PTPN3: variants seen among roughly 807,000 people sequenced by gnomAD.
PTPN3 encodes the protein protein tyrosine phosphatase non-receptor type 3, also known as tyrosine-protein phosphatase non-receptor type 3.
In PTPN3, 96 loss-of-function variants were observed where a neutral mutation model predicts 132.7. That is an observed-to-expected ratio of 0.72 (90% confidence interval 0.61 to 0.86). The LOEUF is 0.86. PTPN3 is among the 40% of genes least tolerant of loss of function. The pLI is 0.00. For synonymous variants in PTPN3, 398 were observed against 429.0 expected, an observed-to-expected ratio of 0.93 and a Z score of 0.89; for missense variants, 1,125 against 1,159.6, an observed-to-expected ratio of 0.97 and a Z score of 0.43.
At chr9:109,439,824 G>A (rs926513463) in intron 7 of PTPN3, among the ~76,000 whole-genome samples, 1 of 151,866 alleles carries the variant, frequency 6.6e-6, no homozygotes, top group Admixed American at 6.6e-5. Context: ...CATGAGAATC[G>A]CTTGAACCTG....
At chr9:109,498,892 G>T (rs1229526901), upstream of PTPN3, among the ~76,000 whole-genome samples, 1 of 152,130 alleles carries the variant, frequency 6.6e-6, no homozygotes, top group African/African-American at 2.4e-5. This position sits in a 1 kb window ranked among gnomAD's most constrained non-coding sequence, Gnocchi z 4.2. Context: ...GGACGTTCTT[G>T]CCCAGCTTTT....
At chr9:109,457,626 C>T (rs548982358) in intron 2 of PTPN3, among the ~76,000 whole-genome samples, 12 of 152,172 alleles carry the variant, frequency 7.9e-5, no homozygotes, top group Non-Finnish European at 8.8e-5. Flanking sequence ...ATTTAATTGT[C>T]TAAGATTTCT....
At chr9:109,403,826 T>A (rs1256366699) in intron 19 of PTPN3, among the ~76,000 whole-genome samples, 1 of 152,228 alleles carries the variant, frequency 6.6e-6, no homozygotes, top group Non-Finnish European at 1.5e-5. Context: ...ATAAAAAATG[T>A]CTGTGTGTAC....
chr9:109,418,926 C>T (rs1378214683), intron 14 of PTPN3, among the ~76,000 whole-genome samples: 1 of 152,060 alleles, frequency 6.6e-6, no homozygotes, highest in Non-Finnish European at 1.5e-5. Flanking sequence ...TTCCCTAAAC[C>T]GTTTTCTCCT....
chr9:109,520,626 G>A, the PTPN3 span, among the ~76,000 whole-genome samples: 2 of 152,148 alleles, frequency 1.3e-5, no homozygotes, highest in Non-Finnish European at 2.9e-5. Context: ...CTTTTGGATT[G>A]GCAAGTATGT....
chr9:109,530,671 C>G, the PTPN3 span, among the ~76,000 whole-genome samples: 1 of 152,296 alleles, frequency 6.6e-6, no homozygotes, highest in African/African-American at 2.4e-5. Context: ...ATTTTACATT[C>G]CCACCAGCAG....
chr9:109,399,965 T>C (rs12686387), intron 19 of PTPN3, among the ~76,000 whole-genome samples: 2 of 151,196 alleles, frequency 1.3e-5, no homozygotes, highest in Non-Finnish European at 1.5e-5. Flanking sequence ...TTTTTAGCTG[T>C]TATCCTGGCT....
rs1275217930 is a variant in PTPN3 at position 109,408,359 on chromosome 9, T to A, written c.1597A>T (p.Met533Leu). ...FNLKGGVDQK[M>L]PLVVSRINPE... ...TTTATCCTTGATACCACAAGAGGCA[T>A]CTTTTGATCCACTCCTCCCTGTAAA... The change falls in exon 17 of 26, where the codon ATG becomes TTG. Residue 533 changes from methionine (M) to leucine (L), a missense_variant. By Grantham distance (15) the Met-to-Leu change is conservative (BLOSUM62 2). Coordinates refer to ENST00000374541, the MANE Select transcript of PTPN3 (RefSeq NM_002829.4). 1 of 1,585,754 alleles carries A rather than the reference T, an allele frequency of 6.3e-7. No individual in the cohort carries two copies.
chr9:109,450,663 A>C, intron 5 of PTPN3: 3 of 985,148 alleles, frequency 3.0e-6, no homozygotes, highest in Non-Finnish European at 3.6e-6. Context: ...AAAATTCTGC[A>C]AAGAATGATC....
At chr9:109,405,121 G>A (rs933440684) in intron 18 of PTPN3, among the ~76,000 whole-genome samples, 2 of 152,142 alleles carry the variant, frequency 1.3e-5, no homozygotes, top group African/African-American at 2.4e-5. Flanking sequence ...CGTAAATATC[G>A]TAGTCCTAGC....
intron 21 of PTPN3, 78 bp downstream of exon 21, chr9:109,391,060 A>C: frequency 7.4e-7 from 1 of 1,347,032 alleles, no homozygotes; most frequent in Admixed American, 1.9e-5. Context: ...TGTCAACTGC[A>C]AAGCCCCACA....
At chr9:109,403,042 C>T (rs946819863) in intron 19 of PTPN3, among the ~76,000 whole-genome samples, 10 of 152,160 alleles carry the variant, frequency 6.6e-5, no homozygotes, top group African/African-American at 2.4e-4. Flanking sequence ...GGCACCACTG[C>T]ACTCCAACCT....
chr9:109,386,539 G>A (rs1001949357), intron 22 of PTPN3, among the ~76,000 whole-genome samples: 4 of 152,320 alleles, frequency 2.6e-5, no homozygotes, highest in Admixed American at 2.6e-4. Context: ...GGCTCACACA[G>A]GAGGAGGAGG....
At chr9:109,399,869 T>C (rs1019221578) in intron 19 of PTPN3, among the ~76,000 whole-genome samples, 8 of 150,968 alleles carry the variant, frequency 5.3e-5, no homozygotes, top group African/African-American at 2.0e-4. Context: ...CCAACCACAC[T>C]GGAGAAGGTA....
chr9:109,448,848 A>G lies in PTPN3; in HGVS notation c.376T>C (p.Tyr126His), dbSNP rs1405707044. ...ATATCCATCTTCAGTTGTAAGAAAT[A>G]CAAGTGCCTATGAAACAATTGTTTT... ...TLQQEQTRHL[Y>H]FLQLKMDICE... is the part of the protein sequence containing the mutation. The change falls in exon 6 of 26, where the codon TAT becomes CAT. Residue 126 changes from tyrosine to histidine, a missense_variant. By Grantham distance (83) the Tyr-to-His change is moderately conservative. Transcript: ENST00000374541. The G allele has an allele frequency of 1.3e-6, 2 of 1,598,158 alleles. No homozygotes were observed. The highest frequency in any genetic ancestry group is 1.8e-5 in the Admixed American group (1 of 54,262).
At chr9:109,463,158 C>A in intron 2 of PTPN3, 139 bp downstream of exon 2, 1 of 898,900 alleles carries the variant, frequency 1.1e-6, no homozygotes, top group Non-Finnish European at 1.6e-6. Context: ...ATTTCCAGTG[C>A]AATCTCAACA....
At chr9:109,487,414 A>G (rs944358) in intron 1 of PTPN3, among the ~76,000 whole-genome samples, 55,365 of 152,106 alleles carry the variant, frequency 0.36, 10,726 homozygotes, top group East Asian at 0.62. Context: ...ACCTCAAAGG[A>G]CAGTCCCTGG....
chr9:109,449,447 G>C, intron 5 of PTPN3: 1 of 985,540 alleles, frequency 1.0e-6, no homozygotes, highest in Non-Finnish European at 1.2e-6. Context: ...GGACCTCCAA[G>C]CTGAATTCTG....
chr9:109,408,360 C>T lies in PTPN3; in HGVS notation c.1596G>A (p.Lys532=), dbSNP rs747337423. 1.9e-6 allele frequency: 3 copies of T among 1,586,232 alleles called. No homozygotes were observed. Among genetic ancestry groups the T allele is most frequent in the Non-Finnish European group, 2.6e-6 (3 of 1,162,644 alleles). ...GFNLKGGVDQ[K]MPLVVSRINP... ...TTATCCTTGATACCACAAGAGGCAT[C>T]TTTTGATCCACTCCTCCCTGTAAAC... Residue 532 remains lysine, a synonymous_variant, in exon 17 of 26, where the codon AAG becomes AAA. Coordinates refer to ENST00000374541, the MANE Select transcript of PTPN3 (RefSeq NM_002829.4).
Sources: gnomAD v4.1 joint callset for allele counts (sites outside exome capture counted in the v4.1 genomes callset) on GRCh38, gnomAD v4.1.1 for gene constraint, Gnocchi (gnomAD v3.1) non-coding constraint, MANE v1.5 for transcripts, NCBI Gene and HGNC (gene_info 2026-07-23, HGNC 2026-07-21) for gene names.